ANXA13: variants seen among roughly 807,000 people sequenced by gnomAD.
The protein encoded by ANXA13 is annexin A13.
Under a neutral mutation model 46.6 loss-of-function variants are expected in ANXA13, and 36 were observed. That is an observed-to-expected ratio of 0.77 (90% CI 0.59 to 1.02). The LOEUF (loss-of-function observed/expected upper bound fraction) is 1.02, where lower values mean the gene tolerates loss of function less well. Among genes scored for constraint, ANXA13 ranks in the 50% least tolerant of loss-of-function variants. The pLI, the probability that ANXA13 is intolerant of heterozygous loss-of-function variation, is 0.00. For synonymous variants in ANXA13, 163 were observed against 152.9 expected (o/e 1.07, Z -0.49); for missense variants, 417 against 396.5 (o/e 1.05, Z -0.44).
chr8:123,693,235 A>G lies in ANXA13; in HGVS notation c.604T>C (p.Tyr202His), dbSNP rs1192372928. 26 of 1,614,188 alleles carry G rather than the reference A, an allele frequency of 1.6e-5. No individual in the cohort carries two copies. Among genetic ancestry groups the G allele is most frequent in the Non-Finnish European group, 2.2e-5 (26 of 1,180,028 alleles). Residue 202 changes from tyrosine (Y) to histidine (H), a missense_variant, in exon 8 of 11, where the codon TAC (tyrosine) becomes CAC (histidine). Physicochemically the swap from Tyr to His is moderately conservative, Grantham distance 83. Coordinates refer to ENST00000419625, the MANE Select transcript of ANXA13 (RefSeq NM_004306.4). ...AFNEVLAKRS[Y>H]KQLRATFQAY... is the part of the protein sequence containing the mutation. ...TGAAAGGTGGCTCGTAACTGCTTGT[A>G]GCTCCTCTTGGCCAGGACTTCATTG...
At chr8:123,719,531 A>G (rs1813822187) in intron 1 of ANXA13, among the ~76,000 whole-genome samples, 1 of 152,214 alleles carries the variant, frequency 6.6e-6, no homozygotes, top group South Asian at 2.1e-4. Context: ...TTTGGGTACA[A>G]ATAGCTGAGA....
intron 2 of ANXA13, among the ~76,000 whole-genome samples, chr8:123,709,822 A>G (rs1813621341): frequency 6.6e-6 from 1 of 152,176 alleles, no homozygotes; most frequent in Non-Finnish European, 1.5e-5. Flanking sequence ...CAGTGGTGCC[A>G]TCTCAGCTCA....
chr8:123,723,416 T>G (rs1282042313), intron 1 of ANXA13, among the ~76,000 whole-genome samples: 1 of 152,204 alleles, frequency 6.6e-6, no homozygotes, highest in African/African-American at 2.4e-5. Context: ...GCTAAACTGT[T>G]TGATTGCCCA....
chr8:123,720,969 A>G (rs1200581362), intron 1 of ANXA13, among the ~76,000 whole-genome samples: 2 of 152,240 alleles, frequency 1.3e-5, no homozygotes, highest in Non-Finnish European at 2.9e-5. Flanking sequence ...TGTACTCCAG[A>G]TCTCTAGAAC....
chr8:123,721,810 C>T (rs1813877675), intron 1 of ANXA13, among the ~76,000 whole-genome samples: 3 of 152,136 alleles, frequency 2.0e-5, no homozygotes, highest in Admixed American at 2.0e-4. Context: ...CAAATAGCAA[C>T]TCATTTAATT....
chr8:123,698,350 G>T (rs1312118925), intron 4 of ANXA13, 39 bp downstream of exon 4: 1 of 1,605,548 alleles, frequency 6.2e-7, no homozygotes, highest in Non-Finnish European at 8.5e-7. Context: ...ATCTCTATTG[G>T]GTGTGTGATG....
intron 2 of ANXA13, among the ~76,000 whole-genome samples, chr8:123,707,391 TA>T (rs1813558363): frequency 6.6e-6 from 1 of 152,072 alleles, no homozygotes; most frequent in Non-Finnish European, 1.5e-5. Flanking sequence ...TTGAAAATAA[TA>T]GTGATCTTTA....
chr8:123,687,945 C>T (rs2129826756), intron 9 of ANXA13, among the ~76,000 whole-genome samples: 1 of 152,330 alleles, frequency 6.6e-6, no homozygotes, highest in Admixed American at 6.5e-5. Flanking sequence ...GATCTGATCT[C>T]CCTCACCTCT....
intron 1 of ANXA13, among the ~76,000 whole-genome samples, chr8:123,726,520 A>G (rs1397375673): frequency 6.6e-6 from 1 of 152,202 alleles, no homozygotes; most frequent in African/African-American, 2.4e-5. Context: ...GGCTACACCC[A>G]AACAGAGGAG....
chr8:123,682,021 A>T (rs892514365), intron 10 of ANXA13, among the ~76,000 whole-genome samples: 1 of 152,200 alleles, frequency 6.6e-6, no homozygotes, highest in Non-Finnish European at 1.5e-5. Context: ...GCCCTAAGCT[A>T]GCAGGACTGT....
chr8:123,715,072 C>A (rs191752985), intron 1 of ANXA13, among the ~76,000 whole-genome samples: 288 of 152,352 alleles, frequency 1.9e-3, no homozygotes, highest in African/African-American at 6.8e-3. Flanking sequence ...CTCCTGTTTT[C>A]CTTATCCAAA....
chr8:123,728,259 G>A (rs1991695), intron 1 of ANXA13: 55,171 of 152,074 alleles, frequency 0.36, 10,373 homozygotes, highest in South Asian at 0.48. Context: ...TGTTTGGGGA[G>A]TTGGAGACCT....
At chr8:123,703,687 G>A (rs1435149508) in intron 2 of ANXA13, among the ~76,000 whole-genome samples, 2 of 152,070 alleles carry the variant, frequency 1.3e-5, no homozygotes, top group Non-Finnish European at 2.9e-5. Flanking sequence ...ATGAAGGGAG[G>A]TTGCCCCTTT....
intron 4 of ANXA13, among the ~76,000 whole-genome samples, chr8:123,696,561 C>A (rs76809239): frequency 3.3e-5 from 5 of 152,036 alleles, no homozygotes; most frequent in South Asian, 2.1e-4. Context: ...CTCCCCCACC[C>A]CCCCCACCAC....
chr8:123,731,255 C>G (rs1032521760), intron 1 of ANXA13, among the ~76,000 whole-genome samples: 2 of 152,092 alleles, frequency 1.3e-5, no homozygotes, highest in Non-Finnish European at 2.9e-5. Context: ...CACTAGAATA[C>G]CTGACGTTAG....
At chr8:123,695,451 C>CA in intron 6 of ANXA13, 51 bp downstream of exon 6, 1 of 1,402,356 alleles carries the variant, frequency 7.1e-7, no homozygotes, top group Non-Finnish European at 1.0e-6. Flanking sequence ...GCCATGTTGC[C>CA]AAGGATTCTT....
intron 1 of ANXA13, among the ~76,000 whole-genome samples, chr8:123,726,239 T>C (rs1813989719): frequency 6.6e-6 from 1 of 152,204 alleles, no homozygotes; most frequent in African/African-American, 2.4e-5. Context: ...ATTGGTATAG[T>C]TAGGTCATTT....
At chr8:123,732,622 T>C (rs1465272517) in intron 1 of ANXA13, among the ~76,000 whole-genome samples, 2 of 151,960 alleles carry the variant, frequency 1.3e-5, no homozygotes, top group African/African-American at 2.4e-5. Context: ...CTTCTATCAG[T>C]GTATCTGTCC....
chr8:123,717,962 A>ACGCCCAGACTCG (rs1401038372), intron 1 of ANXA13, among the ~76,000 whole-genome samples: 3 of 152,252 alleles, frequency 2.0e-5, no homozygotes, highest in Admixed American at 1.3e-4. Flanking sequence ...CTTGGGGCTC[A>ACGCCCAGACTCG]CGCCCAGACT....
Sources: allele counts gnomAD v4.1 joint callset (sites outside exome capture counted in the v4.1 genomes callset), GRCh38; gene constraint gnomAD v4.1.1; transcripts MANE v1.5; gene names NCBI Gene and HGNC (gene_info 2026-07-23, HGNC 2026-07-21).